The following LYPD6 variants were observed in gnomAD, a reference collection of about 807,000 sequenced individuals.
The protein encoded by LYPD6 is LY6/PLAUR domain containing 6.
A neutral mutation model predicts 22.7 loss-of-function variants in LYPD6; 15 were observed. The ratio of observed to expected loss-of-function variants is 0.66; its 90% CI spans 0.44 to 1.02. LYPD6 has a LOEUF of 1.02. Ranked by LOEUF, LYPD6 falls within the 50% of genes least tolerant of loss-of-function variation. The probability of loss-of-function intolerance (pLI) is 0.00; values close to 1 mark genes in which losing one functional copy is unlikely to be tolerated. For synonymous variants in LYPD6, 72 were observed against 77.5 expected, an observed-to-expected ratio of 0.93 and a Z score of 0.37; for missense variants, 189 against 208.4, an observed-to-expected ratio of 0.91 and a Z score of 0.57.
In LYPD6 at chr2:149,471,569, A is replaced by G. The variant is rs1315989918; in HGVS notation, c.*719A>G. 6.6e-6 allele frequency: 1 copy of G among 152,168 alleles called. No homozygotes were observed. Among genetic ancestry groups the G allele is most frequent in the Admixed American group, 6.6e-5 (1 of 15,266 alleles). 9.4% of individuals were successfully genotyped at this position (152,168 alleles called of 1,614,324 possible). Reference sequence around the variant, plus strand: ...AAAGTGGCTGTTATCCCTTCATATAATTGGTGAGATCAGCCTTCTCCTTGA... The same window carrying G: ...AAAGTGGCTGTTATCCCTTCATATAGTTGGTGAGATCAGCCTTCTCCTTGA... On this transcript the variant is annotated 3_prime_UTR_variant, in exon 5 of 5. Coordinates refer to ENST00000334166, the MANE Select transcript of LYPD6 (RefSeq NM_194317.5).
Position 149,470,872 on chromosome 2 carries a change from T to C in LYPD6, c.*22T>C, listed in dbSNP as rs1248582955. On this transcript the variant is annotated 3_prime_UTR_variant, in exon 5 of 5. Transcript: ENST00000334166. ...ATAGTGGCTCAGTGGCTCCATGTGT[T>C]AATAGCGATCCATGGGGATCTCGAT... 1.9e-6 allele frequency: 3 copies of C among 1,596,692 alleles called. No homozygotes were observed. In the Admixed American group the frequency reaches 5.0e-5, roughly 27 times the overall value.
intron 3 of LYPD6, among the ~76,000 whole-genome samples, chr2:149,458,714 A>G (rs1490604942): frequency 2.0e-5 from 3 of 152,362 alleles, no homozygotes; most frequent in Non-Finnish European, 4.4e-5. Context: ...AATTTTTAAA[A>G]TCTCATCAAA....
In LYPD6 at chr2:149,385,558, G is replaced by A. The variant is rs74614508; in HGVS notation, c.-71-52080G>A. On this transcript the variant is annotated intron_variant, in intron 1 of 4. Transcript: ENST00000334166. Reference sequence around the variant, plus strand: ...TGGTCTCCTCAGCCAGGCAGTTGGAGTGATTTATTTTCTGGGACTGAAATG... The same window carrying A: ...TGGTCTCCTCAGCCAGGCAGTTGGAATGATTTATTTTCTGGGACTGAAATG... 6.2e-4 allele frequency among the ~76,000 whole-genome samples: 95 copies of A among 152,310 alleles called. 1 individual carries two copies. Among genetic ancestry groups the A allele is most frequent in the Non-Finnish European group, 1.1e-3 (72 of 68,030 alleles).
At chr2:149,409,683 A>T (rs1682810908) in intron 1 of LYPD6, among the ~76,000 whole-genome samples, 1 of 151,732 alleles carries the variant, frequency 6.6e-6, no homozygotes, top group Admixed American at 6.6e-5. Flanking sequence ...TCCCAGGGGG[A>T]TTATGGCTGC....
intron 3 of LYPD6, among the ~76,000 whole-genome samples, chr2:149,455,257 G>GTT (rs554548181): frequency 3.8e-4 from 48 of 127,998 alleles, no homozygotes; most frequent in Non-Finnish European, 4.4e-4. Context: ...TTTCTAGCAA[G>GTT]TTTTTTTTTT....
intron 1 of LYPD6, among the ~76,000 whole-genome samples, chr2:149,391,256 T>G (rs1255360543): frequency 6.6e-6 from 1 of 152,198 alleles, no homozygotes; most frequent in East Asian, 1.9e-4. Context: ...ACCTCAAACA[T>G]TTCATAGTTG....
chr2:149,412,934 G>A (rs77364145), intron 1 of LYPD6, among the ~76,000 whole-genome samples: 3,372 of 152,192 alleles, frequency 0.022, 103 homozygotes, highest in African/African-American at 0.077. Flanking sequence ...TACCTTTTGA[G>A]CCTAGAAGCC....
At chr2:149,373,125 G>C (rs559373027) in intron 1 of LYPD6, among the ~76,000 whole-genome samples, 1 of 152,276 alleles carries the variant, frequency 6.6e-6, no homozygotes, top group African/African-American at 2.4e-5. Flanking sequence ...CTTGATTAGA[G>C]GGCAGGCAAG....
chr2:149,449,189 G>A (rs11681264), intron 3 of LYPD6, 42 bp downstream of exon 3: 274,478 of 1,377,354 alleles, frequency 0.2, 27,045 homozygotes, highest in Middle Eastern at 0.21. Context: ...TGGGCTGTCC[G>A]TGAGTGAACA....
At chr2:149,461,372 T>G (rs1258901010) in intron 3 of LYPD6, among the ~76,000 whole-genome samples, 2 of 151,844 alleles carry the variant, frequency 1.3e-5, no homozygotes, top group African/African-American at 4.8e-5. Context: ...GTCCTATAAC[T>G]CCTAAGAATT....
chr2:149,399,300 G>A (rs1682499985), intron 1 of LYPD6, among the ~76,000 whole-genome samples: 1 of 152,040 alleles, frequency 6.6e-6, no homozygotes, highest in Admixed American at 6.6e-5. Context: ...TATTACAGTT[G>A]TTGCAGACAT....
At chr2:149,414,043 C>T (rs1682910637) in intron 1 of LYPD6, among the ~76,000 whole-genome samples, 1 of 152,142 alleles carries the variant, frequency 6.6e-6, no homozygotes, top group Non-Finnish European at 1.5e-5. Context: ...GGCCACTTTT[C>T]CCTAGAACTA....
intron 1 of LYPD6, among the ~76,000 whole-genome samples, chr2:149,389,393 G>C (rs550378975): frequency 1.1e-4 from 16 of 152,182 alleles, no homozygotes; most frequent in Middle Eastern, 3.4e-3. Flanking sequence ...AAATTTTGTG[G>C]CATAAAAACA....
downstream of LYPD6, among the ~76,000 whole-genome samples, chr2:149,478,533 C>T (rs1681478558): frequency 6.6e-6 from 1 of 152,072 alleles, no homozygotes; most frequent in Non-Finnish European, 1.5e-5. Context: ...AAATGATCCA[C>T]CTGCCTCAGC....
chr2:149,390,113 G>C (rs1205902569), intron 1 of LYPD6, among the ~76,000 whole-genome samples: 4 of 152,156 alleles, frequency 2.6e-5, no homozygotes, highest in Admixed American at 2.6e-4. Context: ...ATTCTGTACA[G>C]GTAGTTCATT....
chr2:149,352,283 C>A (rs753253163), intron 1 of LYPD6, among the ~76,000 whole-genome samples: 5 of 152,102 alleles, frequency 3.3e-5, no homozygotes, highest in Non-Finnish European at 5.9e-5. Context: ...TAGACTTACT[C>A]TCTGGGGCTC....
At chr2:149,336,799 T>C (rs1472118764) in intron 1 of LYPD6, among the ~76,000 whole-genome samples, 3 of 152,182 alleles carry the variant, frequency 2.0e-5, no homozygotes, top group Non-Finnish European at 4.4e-5. Flanking sequence ...AGGTTTCATG[T>C]AGTGTTAATA....
chr2:149,482,281 A>G, the LYPD6 span, among the ~76,000 whole-genome samples: 78 of 152,316 alleles, frequency 5.1e-4, no homozygotes, highest in African/African-American at 1.8e-3. Context: ...TACAAACACA[A>G]TGCCTCCTTA....
intron 1 of LYPD6, among the ~76,000 whole-genome samples, chr2:149,341,268 A>G (rs1213825599): frequency 6.6e-6 from 1 of 152,216 alleles, no homozygotes; most frequent in African/African-American, 2.4e-5. Context: ...GTGTCCTTCC[A>G]TCCATTATTC....
Sources: gnomAD v4.1 joint callset for allele counts (sites outside exome capture counted in the v4.1 genomes callset) on GRCh38, gnomAD v4.1.1 for gene constraint, MANE v1.5 for transcripts, NCBI Gene and HGNC (gene_info 2026-07-23, HGNC 2026-07-21) for gene names.